Variants in SYN3 observed in about 807,000 individuals in gnomAD.
SYN3 encodes synapsin III, also known as synapsin-3.
In SYN3, 35 loss-of-function variants were observed where a neutral mutation model predicts 65.8. The observed-to-expected ratio is 0.53, with a 90% CI of 0.41 to 0.70. The LOEUF is 0.70. Ranked by LOEUF, SYN3 falls within the 30% of genes least tolerant of loss-of-function variation. The probability of loss-of-function intolerance (pLI) is 0.00; values close to 1 mark genes in which losing one functional copy is unlikely to be tolerated. For synonymous variants in SYN3, 270 were observed against 292.9 expected, an observed-to-expected ratio of 0.92 and a Z score of 0.80; for missense variants, 680 against 749.0, an observed-to-expected ratio of 0.91 and a Z score of 1.08.
At chr22:32,666,514 C>T (rs1193053577) in intron 6 of SYN3, among the ~76,000 whole-genome samples, 5 of 152,134 alleles carry the variant, frequency 3.3e-5, no homozygotes, top group Admixed American at 6.5e-5. Context: ...TCCTTGCTGG[C>T]CCTCTCCCTG....
intron 1 of SYN3, among the ~76,000 whole-genome samples, chr22:33,031,290 C>T (rs1456844551): frequency 6.6e-6 from 1 of 152,188 alleles, no homozygotes; most frequent in African/African-American, 2.4e-5. Context: ...AACTGCTCCT[C>T]TCCCACCCTC....
intron 6 of SYN3, among the ~76,000 whole-genome samples, chr22:32,754,631 C>A (rs1180341055): frequency 2.6e-5 from 4 of 152,162 alleles, no homozygotes. Flanking sequence ...GCTCCTCCAC[C>A]CGGCTCCCCC....
intron 7 of SYN3, among the ~76,000 whole-genome samples, chr22:32,546,161 C>A (rs2058333179): frequency 6.6e-6 from 1 of 152,148 alleles, no homozygotes; most frequent in Non-Finnish European, 1.5e-5. Context: ...AAAACGGATT[C>A]TACCCCTGGA....
At chr22:32,920,575 C>G (rs2050310724) in intron 4 of SYN3, among the ~76,000 whole-genome samples, 1 of 152,214 alleles carries the variant, frequency 6.6e-6, no homozygotes, top group South Asian at 2.1e-4. Context: ...GTGATTTAAC[C>G]AACTTGTGTA....
chr22:32,625,776 C>T (rs2059657555), intron 6 of SYN3, among the ~76,000 whole-genome samples: 2 of 152,176 alleles, frequency 1.3e-5, no homozygotes, highest in South Asian at 4.1e-4. Flanking sequence ...GAGCTTTGGA[C>T]TGAGTTGTGC....
At chr22:32,996,195 T>C (rs1012562330) in intron 2 of SYN3, among the ~76,000 whole-genome samples, 3 of 152,112 alleles carry the variant, frequency 2.0e-5, no homozygotes, top group Non-Finnish European at 2.9e-5. Flanking sequence ...CAGCCTCCCG[T>C]CCATCTATCC....
At chr22:32,984,119 G>A (rs756389340) in intron 2 of SYN3, among the ~76,000 whole-genome samples, 20 of 137,796 alleles carry the variant, frequency 1.5e-4, no homozygotes, top group Non-Finnish European at 2.6e-4. Context: ...CCAAGATTGC[G>A]CCATTGTACT....
intron 3 of SYN3, among the ~76,000 whole-genome samples, chr22:32,953,641 GC>G (rs943768369): frequency 7.2e-5 from 11 of 152,128 alleles, no homozygotes; most frequent in South Asian, 2.1e-4. Context: ...CTGGAACAGG[GC>G]TAGTAAGGTG....
intron 6 of SYN3, among the ~76,000 whole-genome samples, chr22:32,691,370 TC>T (rs2060659312): frequency 6.6e-6 from 1 of 152,142 alleles, no homozygotes; most frequent in African/African-American, 2.4e-5. Context: ...AGAGAGAACT[TC>T]CCTTAGCAGG....
At chr22:32,739,307 C>T (rs1036019956) in intron 6 of SYN3, among the ~76,000 whole-genome samples, 11 of 151,902 alleles carry the variant, frequency 7.2e-5, no homozygotes, top group African/African-American at 2.4e-4. Context: ...GTAAGATGTG[C>T]CTTTTGCCTT....
chr22:32,518,609 G>A lies in SYN3; in HGVS notation c.1319-275C>T, dbSNP rs568019471. ...GATAACATATGCTAAATATTATACT[G>A]CTGAACAAAATAGCTTAGAATACAG... On this transcript the variant is annotated intron_variant, in intron 12 of 13. Transcript: ENST00000358763. 96 of 565,652 alleles carry A rather than the reference G, an allele frequency of 1.7e-4. No homozygotes were observed. In the African/African-American group the frequency reaches 1.7e-3, roughly 10 times the overall value. The allele number at this position is 565,652 out of a possible 1,614,324, so 35.0% of individuals were successfully genotyped here.
chr22:32,883,735 CA>C (rs1311618534), intron 4 of SYN3, among the ~76,000 whole-genome samples: 2 of 152,208 alleles, frequency 1.3e-5, no homozygotes, highest in East Asian at 3.8e-4. Flanking sequence ...CCATTCAGTG[CA>C]CATTTACTGA....
At chr22:32,719,487 T>C (rs1250641910) in intron 6 of SYN3, among the ~76,000 whole-genome samples, 1 of 152,228 alleles carries the variant, frequency 6.6e-6, no homozygotes, top group Non-Finnish European at 1.5e-5. Context: ...TGTGTGGCTG[T>C]TCTGTTCACC....
At chr22:32,980,546 A>T in intron 3 of SYN3, 99 bp downstream of exon 3, 1 of 1,126,998 alleles carries the variant, frequency 8.9e-7, no homozygotes, top group Non-Finnish European at 1.3e-6. Flanking sequence ...ATCTTGGCTC[A>T]TTATGACCAC....
intron 1 of SYN3, among the ~76,000 whole-genome samples, chr22:33,026,320 G>C (rs1019061343): frequency 6.6e-6 from 1 of 152,016 alleles, no homozygotes; most frequent in Non-Finnish European, 1.5e-5. Context: ...TCCATTTTCT[G>C]GGAAAATTCT....
intron 6 of SYN3, among the ~76,000 whole-genome samples, chr22:32,650,069 A>G (rs2060039621): frequency 1.3e-5 from 2 of 152,072 alleles, no homozygotes; most frequent in Admixed American, 1.3e-4. Context: ...TCTTCCCCCA[A>G]TTCCCCCGCT....
At chr22:32,930,009 G>C (rs1185980596) in intron 4 of SYN3, among the ~76,000 whole-genome samples, 1 of 152,088 alleles carries the variant, frequency 6.6e-6, no homozygotes. Context: ...TGTTTTCAGG[G>C]GAAAAGCTGG....
At chr22:32,896,613 T>G (rs2049600644) in intron 4 of SYN3, among the ~76,000 whole-genome samples, 1 of 152,204 alleles carries the variant, frequency 6.6e-6, no homozygotes, top group South Asian at 2.1e-4. Flanking sequence ...GAGGCTAGCC[T>G]CAGAATTTGA....
chr22:32,872,849 G>T (rs989649607), intron 4 of SYN3, among the ~76,000 whole-genome samples: 4 of 152,000 alleles, frequency 2.6e-5, no homozygotes, highest in African/African-American at 7.2e-5. Flanking sequence ...CTCTGGCAAA[G>T]GTTGGAGATC....
Sources: allele counts gnomAD v4.1 joint callset (sites outside exome capture counted in the v4.1 genomes callset), GRCh38; gene constraint gnomAD v4.1.1; transcripts MANE v1.5; gene names NCBI Gene and HGNC (gene_info 2026-07-23, HGNC 2026-07-21).